RNF2: variants seen among roughly 807,000 people sequenced by gnomAD.
The protein encoded by RNF2 is E3 ubiquitin-protein ligase RING2.
In RNF2, 6 loss-of-function variants were observed where a neutral mutation model predicts 37.2. The observed-to-expected ratio is 0.16, with a 90% confidence interval of 0.09 to 0.32. The LOEUF is 0.32. Ranked by LOEUF, RNF2 falls within the 10% of genes least tolerant of loss-of-function variation. RNF2 has a pLI of 1.00. For missense variants in RNF2, 251 were observed against 404.0 expected, an observed-to-expected ratio of 0.62 and a Z score of 3.25; for synonymous variants, 133 against 132.7, an observed-to-expected ratio of 1.00 and a Z score of -0.02.
intron 1 of RNF2, among the ~76,000 whole-genome samples, chr1:185,077,625 G>GTTTTTTT (rs528747420): frequency 0.1 from 11,600 of 114,508 alleles, 769 homozygotes; most frequent in East Asian, 0.22. Flanking sequence ...AATTAACTTT[G>GTTTTTTT]TTTTTTTTTT....
At chr1:185,093,615 T>A (rs1490587879) in intron 4 of RNF2, among the ~76,000 whole-genome samples, 1 of 152,212 alleles carries the variant, frequency 6.6e-6, no homozygotes, top group Non-Finnish European at 1.5e-5. Flanking sequence ...CTCTTATCAA[T>A]GTTATTAGTG....
In RNF2 at chr1:185,102,351, T is replaced by C. The variant is rs1189951515; in HGVS notation, c.*2050T>C. ...TTACCTAAGTAATTTCTTTTATCAC[T>C]ATCTCAACTGAGGAAGAAAAGGCTC... On this transcript the variant is annotated 3_prime_UTR_variant, in exon 7 of 7. Transcript: ENST00000367510. 3 of 152,204 alleles carry C rather than the reference T, an allele frequency of 2.0e-5. No homozygotes were observed. Among genetic ancestry groups the C allele is most frequent in the East Asian group, 1.9e-4 (1 of 5,202 alleles). The allele number at this position is 152,204 out of a possible 1,614,324, so 9.4% of individuals were successfully genotyped here. A position where few individuals can be genotyped will look rare whatever the true frequency, so the allele number is the denominator to read the frequency against.
At chr1:185,082,644 C>T (rs538652912) in intron 1 of RNF2, among the ~76,000 whole-genome samples, 3 of 152,154 alleles carry the variant, frequency 2.0e-5, no homozygotes, top group Non-Finnish European at 2.9e-5. Flanking sequence ...CGTGAGCCAC[C>T]GCACCCAGCC....
intron 1 of RNF2, among the ~76,000 whole-genome samples, chr1:185,079,148 G>T (rs1391356997): frequency 1.4e-5 from 2 of 143,594 alleles, no homozygotes; most frequent in African/African-American, 5.2e-5. Context: ...TCAGACTAAT[G>T]CTTACTTTTC....
At position 185,102,396 on chromosome 1, in the gene RNF2, C is replaced by T. The variant is rs928032315; in HGVS notation, c.*2095C>T. 2.0e-5 allele frequency: 3 copies of T among 152,136 alleles called. No individual in the cohort carries two copies. The highest frequency in any genetic ancestry group is 7.2e-5 in the African/African-American group (3 of 41,430). 9.4% of individuals were successfully genotyped at this position (152,136 alleles called of 1,614,324 possible). On this transcript the variant is annotated 3_prime_UTR_variant, in exon 7 of 7. Coordinates refer to ENST00000367510, the MANE Select transcript of RNF2 (RefSeq NM_007212.4). The stretch of plus-strand genomic sequence containing the variant: ...AGGCTCACCACAAGTGGTGTGAAGG[C>T]TTTGGGTACTTAGTTCTAAATTTTT...
In RNF2 at chr1:185,100,501, T is replaced by A. The variant is rs1350244595; in HGVS notation, c.*200T>A. 1.1e-5 allele frequency: 4 copies of A among 380,350 alleles called. No homozygotes were observed. The highest frequency in any genetic ancestry group is 1.9e-5 in the Non-Finnish European group (4 of 209,998). The allele number at this position is 380,350 out of a possible 1,614,324, so 23.6% of individuals were successfully genotyped here. A position where few individuals can be genotyped will look rare whatever the true frequency, so the allele number is the denominator to read the frequency against. ...TGGAAGGGACTGCAATTATTCAGTA[T>A]TTTTTTCTTTCCTTTAAAAAAATAT... On this transcript the variant is annotated 3_prime_UTR_variant, in exon 7 of 7. Transcript: ENST00000367510.
At chr1:185,094,250 C>G (rs1357918723) in intron 4 of RNF2, among the ~76,000 whole-genome samples, 1 of 151,926 alleles carries the variant, frequency 6.6e-6, no homozygotes, top group Non-Finnish European at 1.5e-5. Context: ...TCCAGCGATT[C>G]TCCTGCTTTA....
chr1:185,091,986 T>C (rs1025688772), intron 3 of RNF2: 13 of 315,892 alleles, frequency 4.1e-5, no homozygotes, highest in Non-Finnish European at 6.9e-5. Context: ...GGCTAGTTTT[T>C]TTTTTTTTTT....
At chr1:185,093,390 T>G in intron 4 of RNF2, 114 bp downstream of exon 4, 1 of 871,028 alleles carries the variant, frequency 1.1e-6, no homozygotes, top group Non-Finnish European at 1.8e-6. Context: ...TACTGCATGA[T>G]TACCTTTCGT....
At chr1:185,078,697 G>T (rs1651249301) in intron 1 of RNF2, among the ~76,000 whole-genome samples, 1 of 152,134 alleles carries the variant, frequency 6.6e-6, no homozygotes, top group Non-Finnish European at 1.5e-5. Flanking sequence ...ATCACCTGAG[G>T]TTGGGAGTTC....
intron 4 of RNF2, among the ~76,000 whole-genome samples, chr1:185,095,207 T>C (rs567597483): frequency 1.3e-5 from 2 of 152,376 alleles, no homozygotes; most frequent in Admixed American, 1.3e-4. Context: ...GTTTAGCCTT[T>C]TACTAAAAGC....
In RNF2 at chr1:185,085,491, C is replaced by T. The variant is rs116546744; in HGVS notation, c.-2-2061C>T. 2.5e-3 allele frequency among the ~76,000 whole-genome samples: 385 copies of T among 152,130 alleles called. 3 individuals carry two copies. Among genetic ancestry groups the T allele is most frequent in the African/African-American group, 8.8e-3 (367 of 41,504 alleles). On this transcript the variant is annotated intron_variant, in intron 1 of 6. Transcript: ENST00000367510. ...ATATCATTTAGTGCTCTCTCTAATT[C>T]CGTCTCTGTGTCCATGTTTAATTGC...
At chr1:185,086,293 T>G (rs1651599033) in intron 1 of RNF2, among the ~76,000 whole-genome samples, 1 of 152,108 alleles carries the variant, frequency 6.6e-6, no homozygotes, top group South Asian at 2.1e-4. Context: ...GCTTGACTAG[T>G]GAGAAATATT....
chr1:185,066,095 T>C (rs1472595521), intron 1 of RNF2, among the ~76,000 whole-genome samples: 1 of 152,182 alleles, frequency 6.6e-6, no homozygotes, highest in East Asian at 1.9e-4. Flanking sequence ...TTAACAGCTC[T>C]ACTGTAGGCC....
intron 1 of RNF2, among the ~76,000 whole-genome samples, chr1:185,076,114 A>G (rs1236027653): frequency 6.6e-6 from 1 of 150,726 alleles, no homozygotes; most frequent in Non-Finnish European, 1.5e-5. Flanking sequence ...TTTCCTAGCT[A>G]TTGTTTATCT....
intron 1 of RNF2, among the ~76,000 whole-genome samples, chr1:185,058,682 C>G (rs770304050): frequency 6.6e-6 from 1 of 152,128 alleles, no homozygotes; most frequent in Non-Finnish European, 1.5e-5. Flanking sequence ...ATGGTTTTCT[C>G]TTTTTAATAT....
intron 1 of RNF2, among the ~76,000 whole-genome samples, chr1:185,051,235 G>T (rs532375125): frequency 6.6e-6 from 1 of 152,276 alleles, no homozygotes; most frequent in South Asian, 2.1e-4. Context: ...TTCAGTCTGG[G>T]ACGGCTGTCT....
At chr1:185,057,416 T>C (rs1257424007) in intron 1 of RNF2, among the ~76,000 whole-genome samples, 7 of 152,238 alleles carry the variant, frequency 4.6e-5, no homozygotes, top group Non-Finnish European at 8.8e-5. Context: ...CATAGTATAT[T>C]TAATCATTTC....
At chr1:185,065,093 A>G (rs1457931120) in intron 1 of RNF2, among the ~76,000 whole-genome samples, 1 of 152,170 alleles carries the variant, frequency 6.6e-6, no homozygotes. Flanking sequence ...TGTAAGATGC[A>G]CCAGTCAGCA....
Sources: gnomAD v4.1 joint callset for allele counts (sites outside exome capture counted in the v4.1 genomes callset) on GRCh38, gnomAD v4.1.1 for gene constraint, MANE v1.5 for transcripts, NCBI Gene and HGNC (gene_info 2026-07-23, HGNC 2026-07-21) for gene names.